XPOT: variants seen among roughly 807,000 people sequenced by gnomAD.
XPOT encodes the protein exportin for tRNA.
A neutral mutation model predicts 128.2 loss-of-function variants in XPOT; 34 were observed. The ratio of observed to expected loss-of-function variants is 0.27; its 90% CI spans 0.20 to 0.35. XPOT has a LOEUF of 0.35. XPOT is among the 10% of genes least tolerant of loss of function. The pLI, the probability that XPOT is intolerant of heterozygous loss-of-function variation, is 1.00. For synonymous variants in XPOT, 348 were observed against 394.3 expected (o/e 0.88, Z 1.39); for missense variants, 838 against 1,125.3 (o/e 0.74, Z 3.65).
chr12:64,425,564 A>G, intron 14 of XPOT, 107 bp downstream of exon 14: 1 of 1,417,720 alleles, frequency 7.1e-7, no homozygotes, highest in South Asian at 1.3e-5. Context: ...AAAACCTCTC[A>G]GAAGTGCTTG....
In XPOT at chr12:64,450,271, C is replaced by T. The variant is rs2040400382; in HGVS notation, c.*2140C>T. On this transcript the variant is annotated 3_prime_UTR_variant, in exon 25 of 25. Transcript: ENST00000332707. ...TACTCTACCAATCCTCCTGCCTCAG[C>T]ATCCAGACTAGCTGTGATTACAGGT... is the stretch of plus-strand genomic sequence containing the variant. 1 of 152,030 alleles carries T rather than the reference C, an allele frequency of 6.6e-6. No individual in the cohort carries two copies. The highest frequency in any genetic ancestry group is 1.5e-5 in the Non-Finnish European group (1 of 68,028). The allele number at this position is 152,030 out of a possible 1,614,324, so 9.4% of individuals were successfully genotyped here. A position where few individuals can be genotyped will look rare whatever the true frequency, so the allele number is the denominator to read the frequency against.
At chr12:64,416,607 TTTC>T in intron 3 of XPOT, 88 bp from the exon 4 acceptor site, 1 of 1,023,274 alleles carries the variant, frequency 9.8e-7, no homozygotes, top group Non-Finnish European at 1.5e-6. Flanking sequence ...TTGAGAAACT[TTTC>T]TGCTGTATTA....
intron 2 of XPOT, among the ~76,000 whole-genome samples, chr12:64,411,213 A>C: frequency 6.6e-6 from 1 of 152,250 alleles, no homozygotes; most frequent in Non-Finnish European, 1.5e-5. Context: ...GTGTGTAAAC[A>C]AATCTTTCTT....
chr12:64,412,797 C>T (rs1200279220), intron 2 of XPOT, among the ~76,000 whole-genome samples: 4 of 152,192 alleles, frequency 2.6e-5, no homozygotes, highest in African/African-American at 9.6e-5. Context: ...GAGTCCAGAA[C>T]CTCTCATATT....
chr12:64,419,977 C>A, intron 6 of XPOT, 93 bp from the exon 7 acceptor site: 1 of 1,151,078 alleles, frequency 8.7e-7, no homozygotes, highest in Non-Finnish European at 1.2e-6. Flanking sequence ...AATGTGTTAA[C>A]AAGTCTGAAA....
Position 64,449,714 on chromosome 12 carries a change from C to G in XPOT, c.*1583C>G, listed in dbSNP as rs1006624859. On this transcript the variant is annotated 3_prime_UTR_variant, in exon 25 of 25. Transcript: ENST00000332707. The stretch of plus-strand genomic sequence containing the variant: ...ATAAAAATAAATCAGTGAAATGTAC[C>G]TTATACTTTAATAAAAAATGTTTTC... 1 of 152,058 alleles carries G rather than the reference C, an allele frequency of 6.6e-6. No homozygotes were observed. Among genetic ancestry groups the G allele is most frequent in the Non-Finnish European group, 1.5e-5 (1 of 68,004 alleles). The allele number at this position is 152,058 out of a possible 1,614,324, so 9.4% of individuals were successfully genotyped here.
chr12:64,432,064 A>G (rs1258049516), intron 18 of XPOT, among the ~76,000 whole-genome samples: 3 of 152,178 alleles, frequency 2.0e-5, no homozygotes, highest in Admixed American at 2.0e-4. Flanking sequence ...AGCAAAAGAA[A>G]ACTAGTCTGC....
chr12:64,417,363 G>A (rs1406036679), intron 4 of XPOT, among the ~76,000 whole-genome samples: 18 of 152,228 alleles, frequency 1.2e-4, no homozygotes, highest in Non-Finnish European at 1.6e-4. Flanking sequence ...AGGCAACATA[G>A]TGAGACCTCA....
chr12:64,426,069 A>G (rs533193535), intron 15 of XPOT, among the ~76,000 whole-genome samples, 160 bp downstream of exon 15: 1 of 152,188 alleles, frequency 6.6e-6, no homozygotes, highest in South Asian at 2.1e-4. Context: ...TATAATCCCA[A>G]CACTCTGGGA....
rs116553998 is a variant in XPOT at position 64,421,729 on chromosome 12, C to A, written c.1080+258C>A. On this transcript the variant is annotated intron_variant, in intron 9 of 24. Transcript: ENST00000332707. ...GTTTTTTTTTTTATTTTGAACCTGT[C>A]TTTATTTGTGAATACAGTTGAAATT... Among the ~76,000 whole-genome samples, 1,451 of 150,578 alleles carry A rather than the reference C, an allele frequency of 9.6e-3. 21 individuals carry two copies. Among genetic ancestry groups the A allele is most frequent in the African/African-American group, 0.033 (1,357 of 41,066 alleles).
At chr12:64,420,627 C>A in intron 8 of XPOT, 106 bp downstream of exon 8, 1 of 874,208 alleles carries the variant, frequency 1.1e-6, no homozygotes, top group Non-Finnish European at 1.7e-6. Flanking sequence ...ATGTTATAAA[C>A]TCCCCTTGAG....
chr12:64,433,449 G>T lies in XPOT; in HGVS notation c.2298G>T (p.Met766Ile), dbSNP rs780877943. 1.3e-6 allele frequency: 2 copies of T among 1,584,862 alleles called. No homozygotes were observed. Among genetic ancestry groups the T allele is most frequent in the Non-Finnish European group, 1.7e-6 (2 of 1,162,122 alleles). Residue 766 changes from methionine (M) to isoleucine (I), a missense_variant, in exon 19 of 25, where the codon ATG becomes ATT. Around this residue, in one of 3 missense-constraint regions of XPOT, gnomAD observed 761 missense variants for 988.3 expected, o/e 0.77. Transcript: ENST00000332707. ...QVSPFLQQMF[M>I]PLLHAIFEVL... ...CCCCGTTTTTACAACAGATGTTCAT[G>T]CCCCTGCTTCATGCAATTTTTGAAG...
At chr12:64,439,391 C>A in intron 23 of XPOT, 76 bp downstream of exon 23, 1 of 1,313,966 alleles carries the variant, frequency 7.6e-7, no homozygotes, top group Non-Finnish European at 1.1e-6. Context: ...TTGTCGCTAG[C>A]AGAAATCAAA....
At chr12:64,425,517 G>T in intron 14 of XPOT, 60 bp downstream of exon 14, 2 of 1,577,654 alleles carry the variant, frequency 1.3e-6, no homozygotes, top group Non-Finnish European at 1.7e-6. Context: ...TGATAGTGTA[G>T]TATTGTATTT....
Position 64,416,767 on chromosome 12 carries a change from T to C in XPOT, c.200+13T>C, listed in dbSNP as rs751699220. 2 of 1,609,212 alleles carry C rather than the reference T, an allele frequency of 1.2e-6. No homozygotes were observed. The highest frequency in any genetic ancestry group is 1.7e-6 in the Non-Finnish European group (2 of 1,177,328). On this transcript the variant is annotated intron_variant, in intron 4 of 24. Coordinates refer to ENST00000332707, the MANE Select transcript of XPOT (RefSeq NM_007235.6). ...AAGTTAAATACAAGTAAGGCTTTTC[T>C]TACTGTTTTGACTCAGATTTGCGGG...
intron 23 of XPOT, 119 bp downstream of exon 23, chr12:64,439,434 A>G: frequency 1.2e-6 from 1 of 867,498 alleles, no homozygotes; most frequent in Non-Finnish European, 1.8e-6. Context: ...TGTTGCCAGC[A>G]TCTCAAAATA....
intron 4 of XPOT, 33 bp from the exon 5 acceptor site, chr12:64,418,013 G>C: frequency 6.4e-7 from 1 of 1,552,584 alleles, no homozygotes; most frequent in East Asian, 2.3e-5. Flanking sequence ...ACCAAATATA[G>C]CCATTATTCT....
At chr12:64,435,734 T>A in intron 22 of XPOT, 60 bp downstream of exon 22, 1 of 1,491,484 alleles carries the variant, frequency 6.7e-7, no homozygotes, top group Non-Finnish European at 9.1e-7. Flanking sequence ...ATTATCTTGT[T>A]CTTGAAAGAT....
chr12:64,440,989 C>T (rs530146304), intron 23 of XPOT, among the ~76,000 whole-genome samples: 10 of 152,236 alleles, frequency 6.6e-5, no homozygotes, highest in South Asian at 4.1e-4. Flanking sequence ...TGTAGCTTTT[C>T]GTGATATCAA....
Sources: gnomAD v4.1 joint callset for allele counts (sites outside exome capture counted in the v4.1 genomes callset) on GRCh38, gnomAD v4.1.1 for gene constraint, gnomAD v4.1.1 regional missense constraint, MANE v1.5 for transcripts, NCBI Gene and HGNC (gene_info 2026-07-23, HGNC 2026-07-21) for gene names.